ZNF66: variants seen among roughly 807,000 people sequenced by gnomAD.
The protein encoded by ZNF66 is zinc finger protein 66, also known as putative zinc finger protein 66.
Under a neutral mutation model 35.2 loss-of-function variants are expected in ZNF66, and 32 were observed. That is an observed-to-expected ratio of 0.91 (90% confidence interval 0.69 to 1.22). ZNF66 has a LOEUF of 1.22. Among genes scored for constraint, ZNF66 ranks in the 50% most tolerant of loss-of-function variants. The probability of loss-of-function intolerance (pLI) is 0.00; values close to 1 mark genes in which losing one functional copy is unlikely to be tolerated. For synonymous variants in ZNF66, 231 were observed against 181.3 expected (o/e 1.27, Z -2.20); for missense variants, 666 against 543.1 (o/e 1.23, Z -2.25).
At chr19:20,778,463 A>G (rs1468953949) in intron 1 of ZNF66, among the ~76,000 whole-genome samples, 1 of 152,208 alleles carries the variant, frequency 6.6e-6, no homozygotes, top group Non-Finnish European at 1.5e-5. Context: ...AAGTAGATAT[A>G]TATGCTTTTC....
At chr19:20,804,901 G>A (rs548598415) in intron 3 of ZNF66, among the ~76,000 whole-genome samples, 127 of 152,182 alleles carry the variant, frequency 8.3e-4, no homozygotes, top group Non-Finnish European at 1.5e-3. Flanking sequence ...TTGGGGTAGG[G>A]CAGTATCTCT....
chr19:20,802,303 T>C (rs436200), intron 3 of ZNF66, among the ~76,000 whole-genome samples: 14,172 of 152,200 alleles, frequency 0.093, 676 homozygotes, highest in Middle Eastern at 0.11. Context: ...GTAGATTAAA[T>C]TGAGCAGTAC....
rs755733665 is a variant in ZNF66 at position 20,808,809 on chromosome 19, A to G, written c.*1487A>G. ...AGCACCTCTCCTCCTCCAAAGGAACACAGTTCCCCACCAGCAACAGAACAA... is the reference window on the plus strand; with the variant it reads ...AGCACCTCTCCTCCTCCAAAGGAACGCAGTTCCCCACCAGCAACAGAACAA... On this transcript the variant is annotated 3_prime_UTR_variant, in exon 4 of 4. Coordinates refer to ENST00000344519, the MANE Select transcript of ZNF66 (RefSeq NM_001355197.2). Among the ~76,000 whole-genome samples the G allele has an allele frequency of 0.092, 14,044 of 152,068 alleles. 650 individuals carry two copies. The highest frequency in any genetic ancestry group is 0.11 in the Middle Eastern group (33 of 292).
Position 20,808,785 on chromosome 19 carries a change from G to A in ZNF66, c.*1463G>A, listed in dbSNP as rs1174012845. 2.7e-5 allele frequency among the ~76,000 whole-genome samples: 4 copies of A among 150,810 alleles called. No individual in the cohort carries two copies. Among genetic ancestry groups the A allele is most frequent in the Non-Finnish European group, 4.4e-5 (3 of 67,534 alleles). On this transcript the variant is annotated 3_prime_UTR_variant, in exon 4 of 4. Coordinates refer to ENST00000344519, the MANE Select transcript of ZNF66 (RefSeq NM_001355197.2). Reference sequence around the variant, plus strand: ...AAAACTGGAAAGTCTAAAAAGCAGAGCACCTCTCCTCCTCCAAAGGAACAC... The same window carrying A: ...AAAACTGGAAAGTCTAAAAAGCAGAACACCTCTCCTCCTCCAAAGGAACAC...
In ZNF66 at chr19:20,806,648, T is replaced by C. The variant is rs190681435; in HGVS notation, c.1048T>C (p.Phe350Leu). 5.6e-4 allele frequency: 858 copies of C among 1,542,010 alleles called. No individual in the cohort carries two copies. The highest frequency in any genetic ancestry group is 2.0e-3 in the Middle Eastern group (12 of 5,938). ...PYKCEECGKGFKYSSTLTKHK... is the reference protein window; with the variant it reads ...PYKCEECGKGLKYSSTLTKHK... ...CAAATGTGAAGAATGTGGCAAAGGC[T>C]TTAAGTACTCCTCTACCCTTACTAA... The change falls in exon 4 of 4, where the codon TTT becomes CTT. Residue 350 changes from phenylalanine to leucine, a missense_variant. Coordinates refer to ENST00000344519, the MANE Select transcript of ZNF66 (RefSeq NM_001355197.2).
intron 3 of ZNF66, among the ~76,000 whole-genome samples, chr19:20,801,609 TA>T (rs1273164735): frequency 6.6e-6 from 1 of 152,068 alleles, no homozygotes; most frequent in Non-Finnish European, 1.5e-5. Flanking sequence ...CCTCCCAAAC[TA>T]TTGGGATTAC....
At chr19:20,776,743 A>G (rs1271247204) in intron 1 of ZNF66, among the ~76,000 whole-genome samples, 1 of 152,036 alleles carries the variant, frequency 6.6e-6, no homozygotes, top group Non-Finnish European at 1.5e-5. Flanking sequence ...TTCAGGGGAG[A>G]ATGCTGACTC....
Position 20,807,352 on chromosome 19 carries a change from T to C in ZNF66, c.*30T>C. The C allele has an allele frequency of 1.7e-6, 1 of 586,666 alleles. No individual in the cohort carries two copies. The highest frequency in any genetic ancestry group is 2.5e-5 in the South Asian group (1 of 39,722). The allele number at this position is 586,666 out of a possible 1,614,324, so 36.3% of individuals were successfully genotyped here. On this transcript the variant is annotated 3_prime_UTR_variant, in exon 4 of 4. Coordinates refer to ENST00000344519, the MANE Select transcript of ZNF66 (RefSeq NM_001355197.2). ...TCCTCTACCCTTACTAGACATAAGA[T>C]AATTCATACTGGAGAGAAACCCTAT...
At chr19:20,785,751 G>T (rs1971281239) in intron 1 of ZNF66, among the ~76,000 whole-genome samples, 2 of 148,632 alleles carry the variant, frequency 1.3e-5, no homozygotes, top group African/African-American at 5.0e-5. Flanking sequence ...TTCTTTTTCT[G>T]TTTTTGTTTG....
At chr19:20,788,692 C>T (rs1489557361) in intron 1 of ZNF66, among the ~76,000 whole-genome samples, 1 of 152,072 alleles carries the variant, frequency 6.6e-6, no homozygotes. Context: ...TGTGAGCCAC[C>T]ACGCCTGGCC....
Position 20,787,153 on chromosome 19 carries a change from T to C in ZNF66, c.4-5359T>C, listed in dbSNP as rs185717231. On this transcript the variant is annotated intron_variant, in intron 1 of 3. Coordinates refer to ENST00000344519, the MANE Select transcript of ZNF66 (RefSeq NM_001355197.2). ...TAAATAAAAATTTCTGAAAAACAACTTTGTGTCAGCCCACTCTCTGTCCCT... is the reference window on the plus strand; with the variant it reads ...TAAATAAAAATTTCTGAAAAACAACCTTGTGTCAGCCCACTCTCTGTCCCT... 3.1e-3 allele frequency among the ~76,000 whole-genome samples: 475 copies of C among 152,280 alleles called. 1 individual carries two copies. The highest frequency in any genetic ancestry group is 0.011 in the African/African-American group (450 of 41,548).
At position 20,792,516 on chromosome 19, in the gene ZNF66, C is replaced by A; in HGVS notation, c.8C>A (p.Pro3Gln). The A allele has an allele frequency of 6.5e-7, 1 of 1,527,140 alleles. No homozygotes were observed. The highest frequency in any genetic ancestry group is 9.0e-7 in the Non-Finnish European group (1 of 1,110,558). The allele number at this position is 1,527,140 out of a possible 1,614,324, so 94.6% of individuals were successfully genotyped here. ...GTGTGTGTGTATATTTTTCAGGGGC[C>A]ATTGCAATTTAGAGATGTGGCCATA... Reference protein sequence around the residue: MGPLQFRDVAIEF... With the variant: MGQLQFRDVAIEF... Residue 3 changes from proline to glutamine, a missense_variant, in exon 2 of 4, where the codon CCA becomes CAA. By Grantham distance (76) the Pro-to-Gln change is moderately conservative. Coordinates refer to ENST00000344519, the MANE Select transcript of ZNF66 (RefSeq NM_001355197.2).
chr19:20,796,267 T>G (rs1438565300), intron 3 of ZNF66, among the ~76,000 whole-genome samples: 1 of 152,176 alleles, frequency 6.6e-6, no homozygotes, highest in Non-Finnish European at 1.5e-5. Context: ...GGACTTTTAA[T>G]CTTTTCATCT....
intron 3 of ZNF66, among the ~76,000 whole-genome samples, chr19:20,800,644 A>G (rs1046759239): frequency 6.6e-6 from 1 of 152,040 alleles, no homozygotes; most frequent in East Asian, 1.9e-4. Context: ...TTCACCTCAC[A>G]CTTACTCTGT....
chr19:20,800,701 T>C (rs1971440013), intron 3 of ZNF66, among the ~76,000 whole-genome samples: 1 of 152,204 alleles, frequency 6.6e-6, no homozygotes, highest in Non-Finnish European at 1.5e-5. Context: ...TCCACCATGA[T>C]TTTAAGCTTC....
At chr19:20,779,149 A>T (rs1318879614) in intron 1 of ZNF66, among the ~76,000 whole-genome samples, 15 of 152,204 alleles carry the variant, frequency 9.9e-5, no homozygotes, top group Non-Finnish European at 7.3e-5. Context: ...CTTACTGATG[A>T]TGCAGTCGTT....
chr19:20,793,317 C>CTTTTTTTTTTTTTTTT (rs1971357023), intron 2 of ZNF66, among the ~76,000 whole-genome samples: 1 of 71,722 alleles, frequency 1.4e-5, no homozygotes, highest in Non-Finnish European at 3.0e-5. Context: ...CTTTTCTTTT[C>CTTTTTTTTTTTTTTTT]TTTTCTTTTC....
chr19:20,802,881 T>G (rs906569381), intron 3 of ZNF66, among the ~76,000 whole-genome samples: 14 of 152,186 alleles, frequency 9.2e-5, no homozygotes, highest in African/African-American at 2.9e-4. Flanking sequence ...TGCAAATACA[T>G]ACATGTATAA....
chr19:20,793,911 A>G (rs1215776982), intron 3 of ZNF66, 33 bp downstream of exon 3: 3 of 975,672 alleles, frequency 3.1e-6, no homozygotes, highest in Non-Finnish European at 4.5e-6. Flanking sequence ...ACAACAGACA[A>G]CACAGTAAGA....
Sources: gnomAD v4.1 joint callset for allele counts (sites outside exome capture counted in the v4.1 genomes callset) on GRCh38, gnomAD v4.1.1 for gene constraint, MANE v1.5 for transcripts, NCBI Gene and HGNC (gene_info 2026-07-23, HGNC 2026-07-21) for gene names.